The following RASA3 variants were observed in gnomAD, a reference collection of about 807,000 sequenced individuals.
RASA3 encodes the protein ras GTPase-activating protein 3.
Under a neutral mutation model 110.0 loss-of-function variants are expected in RASA3, and 73 were observed. That is an observed-to-expected ratio of 0.66 (90% CI 0.55 to 0.81). The LOEUF is 0.81. RASA3 is among the 30% of genes least tolerant of loss of function. RASA3 has a pLI of 0.00. For synonymous variants in RASA3, 500 were observed against 451.4 expected (o/e 1.11, Z -1.37); for missense variants, 976 against 1,113.2 (o/e 0.88, Z 1.75).
chr13:114,131,300 T>TGG (rs1224460663), intron 1 of RASA3, among the ~76,000 whole-genome samples: 3 of 151,856 alleles, frequency 2.0e-5, no homozygotes, highest in African/African-American at 7.3e-5. Context: ...TGCGGCTCAG[T>TGG]GGGGGAGAAG....
At chr13:114,031,077 G>C (rs1013610148) in intron 4 of RASA3, among the ~76,000 whole-genome samples, 2 of 150,632 alleles carry the variant, frequency 1.3e-5, no homozygotes, top group African/African-American at 2.5e-5. Flanking sequence ...ATGCGACTGT[G>C]TGTCTACCTG....
intron 4 of RASA3, among the ~76,000 whole-genome samples, chr13:114,033,412 T>C (rs1374591000): frequency 1.6e-4 from 14 of 88,040 alleles, no homozygotes; most frequent in South Asian, 4.5e-4. Flanking sequence ...CTTCATACCA[T>C]GTTCCACGGC....
intron 2 of RASA3, among the ~76,000 whole-genome samples, chr13:114,059,564 C>A (rs1161964093): frequency 6.6e-6 from 1 of 152,256 alleles, no homozygotes; most frequent in Non-Finnish European, 1.5e-5. Flanking sequence ...AGCCTCAGGA[C>A]ACCGCCCTCT....
At chr13:114,126,843 A>G (rs760813403) in intron 1 of RASA3, among the ~76,000 whole-genome samples, 7 of 151,906 alleles carry the variant, frequency 4.6e-5, no homozygotes, top group Non-Finnish European at 8.8e-5. Context: ...GAGAGAGGTT[A>G]GGGGTCATCT....
chr13:114,118,648 C>A (rs1324254829), intron 1 of RASA3, among the ~76,000 whole-genome samples: 1 of 152,244 alleles, frequency 6.6e-6, no homozygotes, highest in Non-Finnish European at 1.5e-5. Flanking sequence ...CACTTTTAAG[C>A]CACAGGCATT....
chr13:114,027,900 G>T lies in RASA3; in HGVS notation c.477C>A (p.Ile159=), dbSNP rs1278908011. 1 of 1,613,880 alleles carries T rather than the reference G, an allele frequency of 6.2e-7. No homozygotes were observed. Among genetic ancestry groups the T allele is most frequent in the Admixed American group, 1.7e-5 (1 of 60,020 alleles). The change falls in exon 6 of 24, where the codon ATC becomes ATA. Residue 159 remains isoleucine, a synonymous_variant. Transcript: ENST00000334062. ...CGTAGGGGTCACATTGCCCATTCAC[G>T]ATGGGGAGGCCCTGGCACTCGACGA... The part of the protein sequence containing the change: ...TRIVECQGLP[I]VNGQCDPYAT...
rs140999762 is a variant in RASA3 at position 114,102,494 on chromosome 13, C to T, written c.56-28657G>A. On this transcript the variant is annotated intron_variant, in intron 1 of 23. Transcript: ENST00000334062. ...CCTCCCCCAGAGCCTGGTGCAGCTG[C>T]GTGGGACGGGCAGGAGGTGCGAGGG... is the stretch of plus-strand genomic sequence containing the variant. 2.7e-3 allele frequency among the ~76,000 whole-genome samples: 407 copies of T among 152,192 alleles called. 2 individuals carry two copies. The highest frequency in any genetic ancestry group is 3.4e-3 in the Middle Eastern group (1 of 294).
At chr13:114,016,654 T>C (rs1198017751) in intron 12 of RASA3, among the ~76,000 whole-genome samples, 1 of 152,234 alleles carries the variant, frequency 6.6e-6, no homozygotes, top group Non-Finnish European at 1.5e-5. Flanking sequence ...TCAGGAGTGA[T>C]GTGCACCAGC....
chr13:114,010,784 T>TGGGGAGGAGGGGGCCGCGA (rs1324314372), intron 16 of RASA3, among the ~76,000 whole-genome samples: 1 of 103,086 alleles, frequency 9.7e-6, no homozygotes, highest in Non-Finnish European at 2.1e-5. Context: ...GGGGGCCGCG[T>TGGGGAGGAGGGGGCCGCGA]GGGGAGGAGG....
intron 7 of RASA3, among the ~76,000 whole-genome samples, chr13:114,026,658 C>G (rs759704309): frequency 2.6e-5 from 4 of 152,204 alleles, no homozygotes; most frequent in Non-Finnish European, 4.4e-5. Context: ...GGAGCCCGCC[C>G]GACCCCTCAG....
chr13:114,129,769 C>T (rs1025097799), intron 1 of RASA3, among the ~76,000 whole-genome samples: 67 of 152,116 alleles, frequency 4.4e-4, no homozygotes, highest in Admixed American at 2.8e-3. Context: ...CTTTTGCAAA[C>T]GGAAAAATGA....
Position 114,132,533 on chromosome 13 carries a change from G to A in RASA3, c.-44C>T. On this transcript the variant is annotated 5_prime_UTR_variant, in exon 1 of 24. Coordinates refer to ENST00000334062, the MANE Select transcript of RASA3 (RefSeq NM_007368.4). Reference sequence around the variant, plus strand: ...CCGAGCCTCGCCCCAAGCGCGCGCCGAGCCCGGGCAGCTCAGGCCGAGCAG... The same window carrying A: ...CCGAGCCTCGCCCCAAGCGCGCGCCAAGCCCGGGCAGCTCAGGCCGAGCAG... The A allele has an allele frequency of 2.1e-6, 3 of 1,430,120 alleles. No homozygotes were observed. The highest frequency in any genetic ancestry group is 1.4e-5 in the South Asian group (1 of 72,144). The allele number at this position is 1,430,120 out of a possible 1,614,324, so 88.6% of individuals were successfully genotyped here. A position where few individuals can be genotyped will look rare whatever the true frequency, so the allele number is the denominator to read the frequency against.
chr13:114,089,252 AGAGAGGAGGG>A (rs1250350301), intron 1 of RASA3, among the ~76,000 whole-genome samples: 1 of 134,280 alleles, frequency 7.4e-6, no homozygotes, highest in South Asian at 2.7e-4. Flanking sequence ...TCGGAGGAGG[AGAGAGGAGGG>A]GAGACGAGGG....
At chr13:114,010,933 G>A (rs2053625040) in intron 16 of RASA3, among the ~76,000 whole-genome samples, 1 of 151,910 alleles carries the variant, frequency 6.6e-6, no homozygotes, top group South Asian at 2.1e-4. Flanking sequence ...TCCTGCCACG[G>A]GGCCGGCGAC....
intron 1 of RASA3, among the ~76,000 whole-genome samples, chr13:114,118,645 AAG>A (rs2080326988): frequency 6.6e-6 from 1 of 152,244 alleles, no homozygotes; most frequent in Non-Finnish European, 1.5e-5. Context: ...CGCCACTTTT[AAG>A]CCACAGGCAT....
chr13:114,081,401 A>G (rs895673098), intron 1 of RASA3, among the ~76,000 whole-genome samples: 1 of 152,216 alleles, frequency 6.6e-6, no homozygotes, highest in Non-Finnish European at 1.5e-5. Flanking sequence ...CGCATCACCC[A>G]GCACTCTGGA....
Position 114,109,781 on chromosome 13 carries a change from C to T in RASA3, c.55+22654G>A, listed in dbSNP as rs539853121. Among the ~76,000 whole-genome samples, 36 of 152,206 alleles carry T rather than the reference C, an allele frequency of 2.4e-4. No homozygotes were observed. The East Asian group carries it at 7.0e-3, about 29-fold the overall frequency. ...TGCTGTGGCTTCCAAAGAGACGTCA[C>T]CAGAGGCGGGGCTGGCGCAGGGCCA... On this transcript the variant is annotated intron_variant, in intron 1 of 23. Coordinates refer to ENST00000334062, the MANE Select transcript of RASA3 (RefSeq NM_007368.4).
intron 1 of RASA3, among the ~76,000 whole-genome samples, chr13:114,122,736 C>G (rs2080395015): frequency 6.6e-6 from 1 of 151,356 alleles, no homozygotes. Flanking sequence ...GGAAGGGGGT[C>G]TCCGGCCGGT....
chr13:114,091,921 G>A (rs2079894284), intron 1 of RASA3, among the ~76,000 whole-genome samples: 1 of 152,020 alleles, frequency 6.6e-6, no homozygotes, highest in Non-Finnish European at 1.5e-5. Flanking sequence ...TATGTGTCCA[G>A]GAATTTATAA....
Sources: gnomAD v4.1 joint callset for allele counts (sites outside exome capture counted in the v4.1 genomes callset) on GRCh38, gnomAD v4.1.1 for gene constraint, MANE v1.5 for transcripts, NCBI Gene and HGNC (gene_info 2026-07-23, HGNC 2026-07-21) for gene names.